The following FZD3 variants were observed in gnomAD, a reference collection of about 807,000 sequenced individuals.
FZD3 encodes the protein frizzled-3.
In FZD3, 30 loss-of-function variants were observed where a neutral mutation model predicts 60.7. That is an observed-to-expected ratio of 0.49 (90% CI 0.37 to 0.67). The LOEUF (loss-of-function observed/expected upper bound fraction) is 0.67. FZD3 is among the 30% of genes least tolerant of loss of function. The pLI is 0.00. For synonymous variants in FZD3, 246 were observed against 275.2 expected (o/e 0.89, Z 1.05); for missense variants, 605 against 838.7 (o/e 0.72, Z 3.44).
chr8:28,541,983 T>G (rs927199942), intron 5 of FZD3, among the ~76,000 whole-genome samples: 3 of 152,188 alleles, frequency 2.0e-5, no homozygotes, highest in Admixed American at 6.5e-5. Flanking sequence ...TTTCTTTAGT[T>G]TATTTTCAAC....
intron 5 of FZD3, among the ~76,000 whole-genome samples, chr8:28,534,208 G>T (rs1804952793): frequency 6.6e-6 from 1 of 152,064 alleles, no homozygotes; most frequent in Admixed American, 6.5e-5. Context: ...TTTTTTAATT[G>T]TAGTTTTATA....
At chr8:28,503,426 A>G (rs1396978237) in intron 3 of FZD3, among the ~76,000 whole-genome samples, 1 of 152,228 alleles carries the variant, frequency 6.6e-6, no homozygotes, top group Non-Finnish European at 1.5e-5. Context: ...ATACTTTTAT[A>G]AAGAAATTTG....
intron 3 of FZD3, 74 bp downstream of exon 3, chr8:28,503,276 T>G: frequency 1.2e-6 from 1 of 800,296 alleles, no homozygotes; most frequent in Non-Finnish European, 2.0e-6. Flanking sequence ...ATCTAATGAA[T>G]GTGTTTGATA....
At chr8:28,495,552 A>C (rs1172358983) in intron 1 of FZD3, among the ~76,000 whole-genome samples, 2 of 152,178 alleles carry the variant, frequency 1.3e-5, no homozygotes, top group Non-Finnish European at 2.9e-5. Flanking sequence ...ACCCTCCTTT[A>C]GTCCTTGGTG....
chr8:28,503,049 C>T lies in FZD3; in HGVS notation c.36C>T (p.Pro12=), dbSNP rs762989332. The change falls in exon 3 of 8, where the codon CCC becomes CCT. Residue 12 remains proline, a synonymous_variant. Coordinates refer to ENST00000240093, the MANE Select transcript of FZD3 (RefSeq NM_017412.4). ...AMTWIVFSLW[P]LTVFMGHIGG... is the part of the protein sequence containing the mutation. The stretch of plus-strand genomic sequence containing the variant: ...CTTGGATTGTCTTCTCTCTTTGGCC[C>T]TTGACTGTGTTCATGGGGCATATAG... 104 of 1,613,246 alleles carry T rather than the reference C, an allele frequency of 6.4e-5. No homozygotes were observed. The highest frequency in any genetic ancestry group is 7.9e-5 in the Non-Finnish European group (93 of 1,179,472).
rs149221647 is a variant in FZD3, at chr8:28,543,785, A to C, written c.1405-7818A>C. Among the ~76,000 whole-genome samples, 265 of 152,184 alleles carry C rather than the reference A, an allele frequency of 1.7e-3. 2 individuals carry two copies. Among genetic ancestry groups the C allele is most frequent in the African/African-American group, 6.0e-3 (251 of 41,546 alleles). ...TTTTAACTAATATAATAGATTTTTTAATCATGGAAAAGGAAAATAACTTTT... is the reference window on the plus strand; with the variant it reads ...TTTTAACTAATATAATAGATTTTTTCATCATGGAAAAGGAAAATAACTTTT... On this transcript the variant is annotated intron_variant, in intron 5 of 7. Coordinates refer to ENST00000240093, the MANE Select transcript of FZD3 (RefSeq NM_017412.4).
intron 5 of FZD3, among the ~76,000 whole-genome samples, chr8:28,530,722 G>C (rs1377383250): frequency 2.0e-5 from 3 of 152,024 alleles, no homozygotes; most frequent in Non-Finnish European, 2.9e-5. Flanking sequence ...ACTCCCCAGA[G>C]ACAACCATCA....
At chr8:28,512,269 A>G (rs951609351) in intron 3 of FZD3, among the ~76,000 whole-genome samples, 1 of 152,162 alleles carries the variant, frequency 6.6e-6, no homozygotes, top group Non-Finnish European at 1.5e-5. Context: ...TTCTGCATGC[A>G]TATTCTCCAT....
chr8:28,497,532 A>C (rs995516266), intron 1 of FZD3, among the ~76,000 whole-genome samples: 2 of 152,332 alleles, frequency 1.3e-5, no homozygotes, highest in East Asian at 3.9e-4. Context: ...GAAAAAAGAC[A>C]AAGAATATCC....
intron 5 of FZD3, among the ~76,000 whole-genome samples, chr8:28,548,525 A>AT (rs891856107): frequency 2.6e-5 from 4 of 152,042 alleles, no homozygotes; most frequent in Admixed American, 6.5e-5. Flanking sequence ...CTTCAGCTCT[A>AT]TTTTTTTCTA....
At position 28,502,881 on chromosome 8, in the gene FZD3, A is replaced by AT; in HGVS notation, c.-130dup. ...ACAAACCTCTGACGGTGCGAAGAGT[A>AT]TTTAACTGTTTGAAGAATTTAACAG... On this transcript the variant is annotated 5_prime_UTR_variant, in exon 3 of 8. Transcript: ENST00000240093. 1 of 597,238 alleles carries AT rather than the reference A, an allele frequency of 1.7e-6. No homozygotes were observed. Among genetic ancestry groups the AT allele is most frequent in the South Asian group, 2.7e-5 (1 of 37,490 alleles). The allele number at this position is 597,238 out of a possible 1,614,324, so 37.0% of individuals were successfully genotyped here.
At chr8:28,515,525 C>T (rs112429690) in intron 3 of FZD3, among the ~76,000 whole-genome samples, 5 of 152,174 alleles carry the variant, frequency 3.3e-5, no homozygotes, top group African/African-American at 9.7e-5. Context: ...GTGGGCTGTC[C>T]GCATGCGCAG....
intron 3 of FZD3, among the ~76,000 whole-genome samples, chr8:28,515,190 G>C (rs993715704): frequency 6.6e-6 from 1 of 152,210 alleles, no homozygotes; most frequent in Admixed American, 6.5e-5. Context: ...GCTTGTGTTA[G>C]CATTGGAATG....
chr8:28,514,572 A>T (rs1281080364), intron 3 of FZD3, among the ~76,000 whole-genome samples: 1 of 152,080 alleles, frequency 6.6e-6, no homozygotes, highest in African/African-American at 2.4e-5. Flanking sequence ...AGCAACACTG[A>T]TCTGCTTTCT....
At chr8:28,508,475 GAT>G (rs1804200725) in intron 3 of FZD3, among the ~76,000 whole-genome samples, 1 of 135,262 alleles carries the variant, frequency 7.4e-6, no homozygotes. Context: ...AGTTTATACT[GAT>G]ACTTGCGATT....
chr8:28,543,505 CG>C, intron 5 of FZD3, among the ~76,000 whole-genome samples: 1 of 152,216 alleles, frequency 6.6e-6, no homozygotes, highest in South Asian at 2.1e-4. Context: ...CTCAGCTTCC[CG>C]AGCAGCTGGG....
chr8:28,520,638 C>T lies in FZD3; in HGVS notation c.190C>T (p.Pro64Ser), dbSNP rs773738647. Reference sequence around the variant, plus strand: ...TTATTCAATTTTAACTTTTCCCTAGCCATTCCACCCTATGGTGAATCTGGA... The same window carrying T: ...TTATTCAATTTTAACTTTTCCCTAGTCATTCCACCCTATGGTGAATCTGGA... ...DQQTAALAME[P>S]FHPMVNLDCS... is the part of the protein sequence containing the mutation. Residue 64 changes from proline to serine, a missense_variant and splice_region_variant, in exon 4 of 8, where the codon CCA becomes TCA. Physicochemically the swap from Pro to Ser is moderately conservative, Grantham distance 74 (BLOSUM62 -1). Coordinates refer to ENST00000240093, the MANE Select transcript of FZD3 (RefSeq NM_017412.4). 1.2e-5 allele frequency: 19 copies of T among 1,542,348 alleles called. No individual in the cohort carries two copies. The highest frequency in any genetic ancestry group is 1.6e-5 in the Non-Finnish European group (18 of 1,138,132).
In FZD3 at chr8:28,568,126, ATTC is replaced by A. The variant is rs1805737567; in HGVS notation, c.*5119_*5121del. ...TATGTAAAGTAAGGATTTTTTCTCC[ATTC>A]TTCACTCACAAAGGATAGCATTTTT... On this transcript the variant is annotated 3_prime_UTR_variant, in exon 8 of 8. Transcript: ENST00000240093. 6.6e-6 allele frequency: 1 copy of A among 152,110 alleles called. No homozygotes were observed. The highest frequency in any genetic ancestry group is 1.5e-5 in the Non-Finnish European group (1 of 67,994). The allele number at this position is 152,110 out of a possible 1,614,324, so 9.4% of individuals were successfully genotyped here. A position where few individuals can be genotyped will look rare whatever the true frequency, so the allele number is the denominator to read the frequency against.
At chr8:28,532,869 A>G (rs1804914838) in intron 5 of FZD3, among the ~76,000 whole-genome samples, 1 of 152,188 alleles carries the variant, frequency 6.6e-6, no homozygotes, top group Non-Finnish European at 1.5e-5. Flanking sequence ...TCTATATTTC[A>G]TGTAAGAGCT....
Sources: gnomAD v4.1 joint callset for allele counts (sites outside exome capture counted in the v4.1 genomes callset) on GRCh38, gnomAD v4.1.1 for gene constraint, MANE v1.5 for transcripts, NCBI Gene and HGNC (gene_info 2026-07-23, HGNC 2026-07-21) for gene names.